NRXN1: variants seen among roughly 807,000 people sequenced by gnomAD.
The protein encoded by NRXN1 is neurexin-1.
A neutral mutation model predicts 150.9 loss-of-function variants in NRXN1; 39 were observed. The ratio of observed to expected loss-of-function variants is 0.26; its 90% confidence interval spans 0.20 to 0.34. The LOEUF (loss-of-function observed/expected upper bound fraction) is 0.34, where lower values mean the gene tolerates loss of function less well. Among genes scored for constraint, NRXN1 ranks in the 10% least tolerant of loss-of-function variants. The probability of loss-of-function intolerance (pLI) is 1.00; values close to 1 mark genes in which losing one functional copy is unlikely to be tolerated. For missense variants in NRXN1, 1,815 were observed against 1,949.9 expected (o/e 0.93, Z 1.30); for synonymous variants, 924 against 757.0 (o/e 1.22, Z -3.62).
At chr2:50,515,953 A>C (rs2092619260) in intron 12 of NRXN1, among the ~76,000 whole-genome samples, 1 of 152,030 alleles carries the variant, frequency 6.6e-6, no homozygotes, top group African/African-American at 2.4e-5. Context: ...CTTTCCCATT[A>C]CTTTCTGGTT....
chr2:50,562,245 C>A (rs1394015430), intron 8 of NRXN1, among the ~76,000 whole-genome samples: 1 of 151,836 alleles, frequency 6.6e-6, no homozygotes, highest in Non-Finnish European at 1.5e-5. Flanking sequence ...AGGAGGCAGA[C>A]ATTAGTATAA....
intron 5 of NRXN1, among the ~76,000 whole-genome samples, chr2:50,877,079 TA>T (rs1448542918): frequency 6.6e-6 from 1 of 151,868 alleles, no homozygotes; most frequent in African/African-American, 2.4e-5. Context: ...TTCTTCCTGT[TA>T]AAACTTTACT....
intron 5 of NRXN1, among the ~76,000 whole-genome samples, chr2:50,743,499 A>C (rs779977357): frequency 6.6e-6 from 1 of 152,156 alleles, no homozygotes; most frequent in Admixed American, 6.5e-5. Context: ...AAGAAAGGGA[A>C]CATTTAATGA....
At chr2:50,880,930 C>T (rs1679335217) in intron 5 of NRXN1, among the ~76,000 whole-genome samples, 1 of 151,864 alleles carries the variant, frequency 6.6e-6, no homozygotes, top group Admixed American at 6.6e-5. Context: ...ACAATTATGA[C>T]TAGAGAAGAC....
At chr2:50,665,097 C>T (rs978401794) in intron 5 of NRXN1, among the ~76,000 whole-genome samples, 1 of 151,856 alleles carries the variant, frequency 6.6e-6, no homozygotes. Context: ...CCACAGGCCA[C>T]GTTTTTCCTC....
intron 2 of NRXN1, 79 bp downstream of exon 2, chr2:51,027,423 C>T: frequency 7.2e-7 from 1 of 1,393,774 alleles, no homozygotes; most frequent in African/African-American, 1.5e-5. Flanking sequence ...ATTAGGAAGA[C>T]CCCATGCACC....
At chr2:50,289,970 T>C (rs562732381) in intron 17 of NRXN1, among the ~76,000 whole-genome samples, 15 of 152,318 alleles carry the variant, frequency 9.8e-5, no homozygotes, top group African/African-American at 3.1e-4. Flanking sequence ...TTAGCACTTA[T>C]ATGCTAAGAA....
chr2:50,911,729 T>A (rs1684547998), intron 5 of NRXN1, among the ~76,000 whole-genome samples: 1 of 151,934 alleles, frequency 6.6e-6, no homozygotes, highest in Admixed American at 6.6e-5. Context: ...CTAAAACATA[T>A]TACAAAGTGT....
chr2:50,750,827 T>C (rs1004826924), intron 5 of NRXN1, among the ~76,000 whole-genome samples: 5 of 152,054 alleles, frequency 3.3e-5, no homozygotes, highest in African/African-American at 1.2e-4. Context: ...AAGAAATGAA[T>C]GTGCAGAACG....
chr2:50,113,663 C>T (rs1169785480), intron 18 of NRXN1, among the ~76,000 whole-genome samples: 1 of 152,140 alleles, frequency 6.6e-6, no homozygotes, highest in Non-Finnish European at 1.5e-5. Flanking sequence ...ATGTTCAATT[C>T]TAGAGGAGGA....
At chr2:50,790,943 C>A (rs1292463448) in intron 5 of NRXN1, among the ~76,000 whole-genome samples, 1 of 152,008 alleles carries the variant, frequency 6.6e-6, no homozygotes, top group African/African-American at 2.4e-5. Flanking sequence ...GATTTTGGAG[C>A]ACTTCAGATT....
chr2:50,755,947 C>T (rs760105623), intron 5 of NRXN1, among the ~76,000 whole-genome samples: 4 of 151,670 alleles, frequency 2.6e-5, no homozygotes, highest in African/African-American at 9.7e-5. Flanking sequence ...AAATCAAGGT[C>T]GCTTTTGATG....
chr2:50,119,964 GGAA>G (rs1157688371), intron 18 of NRXN1, among the ~76,000 whole-genome samples: 1 of 152,172 alleles, frequency 6.6e-6, no homozygotes, highest in South Asian at 2.1e-4. Context: ...TTGGTTCAGT[GGAA>G]GAAGGAGCCT....
At chr2:50,556,520 T>TGATTC (rs1553785490) in intron 8 of NRXN1, among the ~76,000 whole-genome samples, 70 of 149,058 alleles carry the variant, frequency 4.7e-4, no homozygotes, top group African/African-American at 3.0e-4. Context: ...TTTTTTTTTT[T>TGATTC]AAAGAGTGAT....
intron 22 of NRXN1, among the ~76,000 whole-genome samples, chr2:49,929,343 T>G (rs1669717793): frequency 2.6e-5 from 4 of 152,180 alleles, no homozygotes; most frequent in Non-Finnish European, 4.4e-5. Context: ...AGCCATAGGA[T>G]CATGGTATTT....
chr2:50,565,059 A>G (rs2105418979), intron 8 of NRXN1, among the ~76,000 whole-genome samples: 1 of 152,238 alleles, frequency 6.6e-6, no homozygotes, highest in South Asian at 2.1e-4. Context: ...TCAGTAAAAT[A>G]AAAAATGCAA....
chr2:50,856,267 C>T (rs1675260252), intron 5 of NRXN1, among the ~76,000 whole-genome samples: 1 of 151,918 alleles, frequency 6.6e-6, no homozygotes, highest in Non-Finnish European at 1.5e-5. Context: ...TGAGGACCTT[C>T]AGGGGATTAT....
At chr2:51,002,104 T>C (rs1430983760) in intron 2 of NRXN1, among the ~76,000 whole-genome samples, 1 of 151,976 alleles carries the variant, frequency 6.6e-6, no homozygotes, top group Non-Finnish European at 1.5e-5. Flanking sequence ...ATACACAGGT[T>C]TAACTATTTT....
At chr2:50,635,165 CTTTTTTT>C (rs200301567) in intron 5 of NRXN1, among the ~76,000 whole-genome samples, 2 of 146,742 alleles carry the variant, frequency 1.4e-5, no homozygotes, top group African/African-American at 5.0e-5. Flanking sequence ...TTAAATTCTT[CTTTTTTT>C]TTTTTGATAG....
Sources: allele counts gnomAD v4.1 joint callset (sites outside exome capture counted in the v4.1 genomes callset), GRCh38; gene constraint gnomAD v4.1.1; transcripts MANE v1.5; gene names NCBI Gene and HGNC (gene_info 2026-07-23, HGNC 2026-07-21).